The following ITGA9 variants were observed in gnomAD, a reference collection of about 807,000 sequenced individuals.
ITGA9 encodes integrin subunit alpha 9, also known as integrin alpha-9.
ITGA9 carries 56 observed loss-of-function variants against 127.8 expected under a neutral mutation model. That is an observed-to-expected ratio of 0.44 (90% CI 0.35 to 0.55). The LOEUF is 0.55. Among genes scored for constraint, ITGA9 ranks in the 20% least tolerant of loss-of-function variants. ITGA9 has a pLI of 0.00. For synonymous variants in ITGA9, 508 were observed against 514.5 expected, an observed-to-expected ratio of 0.99 and a Z score of 0.17; for missense variants, 1,196 against 1,347.1, an observed-to-expected ratio of 0.89 and a Z score of 1.76.
intron 17 of ITGA9, among the ~76,000 whole-genome samples, chr3:37,656,948 C>T (rs1700484226): frequency 6.6e-6 from 1 of 151,884 alleles, no homozygotes; most frequent in Non-Finnish European, 1.5e-5. Flanking sequence ...TTGAGATAAT[C>T]ATGTGTTTTT....
intron 26 of ITGA9, among the ~76,000 whole-genome samples, chr3:37,796,813 G>A (rs1697179364): frequency 1.3e-5 from 2 of 152,120 alleles, no homozygotes; most frequent in Non-Finnish European, 2.9e-5. Context: ...CAGTGCCTTG[G>A]TTCAGGTGAC....
At chr3:37,527,024 CAG>C (rs1699100284) in intron 13 of ITGA9, among the ~76,000 whole-genome samples, 1 of 152,216 alleles carries the variant, frequency 6.6e-6, no homozygotes, top group African/African-American at 2.4e-5. Flanking sequence ...AATGTGAACT[CAG>C]GGGCCAGGTG....
intron 5 of ITGA9, among the ~76,000 whole-genome samples, chr3:37,501,686 C>T (rs1488195803): frequency 6.6e-6 from 1 of 152,004 alleles, no homozygotes; most frequent in Admixed American, 6.5e-5. Flanking sequence ...ATTTTTTTCT[C>T]ATCAACATTT....
chr3:37,608,172 C>T (rs1699986123), intron 15 of ITGA9, among the ~76,000 whole-genome samples: 1 of 152,164 alleles, frequency 6.6e-6, no homozygotes, highest in African/African-American at 2.4e-5. Context: ...CCAGAATATG[C>T]TTTTAAAGAC....
rs578188048 is a variant in ITGA9 at position 37,470,478 on chromosome 3, C to T, written c.186-529C>T. On this transcript the variant is annotated intron_variant, in intron 1 of 27. Coordinates refer to ENST00000264741, the MANE Select transcript of ITGA9 (RefSeq NM_002207.3). ...AGCACCTTTTCATGCATTTATTGGCCATTTGGCTATCTTCTTTTGTGAAGT... is the reference window on the plus strand; with the variant it reads ...AGCACCTTTTCATGCATTTATTGGCTATTTGGCTATCTTCTTTTGTGAAGT... Among the ~76,000 whole-genome samples the T allele has an allele frequency of 1.2e-4, 18 of 152,264 alleles. No homozygotes were observed. The South Asian group carries it at 3.7e-3, about 32-fold the overall frequency.
chr3:37,452,144 C>T lies in ITGA9; in HGVS notation c.-231C>T, dbSNP rs1031184556. 2 of 150,192 alleles carry T rather than the reference C, an allele frequency of 1.3e-5. No individual in the cohort carries two copies. Among genetic ancestry groups the T allele is most frequent in the African/African-American group, 2.4e-5 (1 of 41,020 alleles). The allele number at this position is 150,192 out of a possible 1,614,324, so 9.3% of individuals were successfully genotyped here. ...CCGGCCCGGGACCCGCTCGCGCAGA[C>T]TTCTCGGGCGGACTGAGGACGCCGC... is the stretch of plus-strand genomic sequence containing the variant. On this transcript the variant is annotated 5_prime_UTR_variant, in exon 1 of 28. Coordinates refer to ENST00000264741, the MANE Select transcript of ITGA9 (RefSeq NM_002207.3). This position sits in a 1 kb window ranked among gnomAD's most constrained non-coding sequence, Gnocchi z 7.3.
Position 37,558,698 on chromosome 3 carries a change from C to T in ITGA9, c.1689+16113C>T, listed in dbSNP as rs116766216. Among the ~76,000 whole-genome samples, 542 of 152,304 alleles carry T rather than the reference C, an allele frequency of 3.6e-3. 6 individuals carry two copies. Among genetic ancestry groups the T allele is most frequent in the Middle Eastern group, 6.8e-3 (2 of 294 alleles). Reference sequence around the variant, plus strand: ...CAGATGGAGACTCGTAAGCCATAACCGCTGCCTCCCAGGAGCTAGTCTGCT... The same window carrying T: ...CAGATGGAGACTCGTAAGCCATAACTGCTGCCTCCCAGGAGCTAGTCTGCT... On this transcript the variant is annotated intron_variant, in intron 15 of 27. Transcript: ENST00000264741.
intron 23 of ITGA9, among the ~76,000 whole-genome samples, chr3:37,758,946 C>G (rs572720143): frequency 3.9e-5 from 6 of 152,076 alleles, no homozygotes; most frequent in Admixed American, 3.3e-4. Flanking sequence ...CTTCCTAGAT[C>G]AAGATGTTTA....
intron 15 of ITGA9, among the ~76,000 whole-genome samples, chr3:37,572,980 T>C (rs529685503): frequency 1.3e-5 from 2 of 152,336 alleles, no homozygotes; most frequent in Admixed American, 1.3e-4. Context: ...ACCTTACATA[T>C]CTGGCCTCAC....
chr3:37,744,198 C>T (rs1429156169), intron 22 of ITGA9, among the ~76,000 whole-genome samples, 164 bp downstream of exon 22: 15 of 152,252 alleles, frequency 9.9e-5, no homozygotes, highest in Middle Eastern at 3.4e-3. Flanking sequence ...GAATCCTTTT[C>T]GATGCCTGGT....
chr3:37,765,607 G>C (rs1165452726), intron 23 of ITGA9, among the ~76,000 whole-genome samples: 1 of 152,186 alleles, frequency 6.6e-6, no homozygotes, highest in East Asian at 1.9e-4. Context: ...ATGGCTGATT[G>C]AATTCTGGAA....
chr3:37,459,909 G>A (rs1698299026), intron 1 of ITGA9, among the ~76,000 whole-genome samples: 1 of 152,150 alleles, frequency 6.6e-6, no homozygotes, highest in African/African-American at 2.4e-5. Flanking sequence ...TACTCTTGGG[G>A]GGATGCTAGG....
At chr3:37,807,382 G>A (rs528969750) in intron 27 of ITGA9, 1 of 152,410 alleles carries the variant, frequency 6.6e-6, no homozygotes, top group East Asian at 1.9e-4. Flanking sequence ...GGCAGGGAAG[G>A]GTAGATGAAG....
chr3:37,520,047 C>G (rs938762707), intron 11 of ITGA9, among the ~76,000 whole-genome samples: 2 of 152,220 alleles, frequency 1.3e-5, no homozygotes, highest in South Asian at 4.1e-4. Context: ...TTCCAATCAA[C>G]AAATATTTAT....
intron 15 of ITGA9, among the ~76,000 whole-genome samples, chr3:37,604,862 A>G (rs1384705641): frequency 1.3e-5 from 2 of 152,162 alleles, no homozygotes; most frequent in African/African-American, 4.8e-5. Context: ...TGAAAGTTCT[A>G]AGGCTCATGG....
intron 17 of ITGA9, among the ~76,000 whole-genome samples, chr3:37,676,514 G>A (rs1700684061): frequency 6.6e-6 from 1 of 152,144 alleles, no homozygotes; most frequent in Non-Finnish European, 1.5e-5. Context: ...CACTTTCCTG[G>A]CCTGCAGAAA....
At position 37,763,300 on chromosome 3, in the gene ITGA9, C is replaced by A. The variant is rs573947618; in HGVS notation, c.2541+12731C>A. 3.3e-5 allele frequency among the ~76,000 whole-genome samples: 5 copies of A among 152,306 alleles called. No individual in the cohort carries two copies. The South Asian group carries it at 6.2e-4, about 19-fold the overall frequency. ...GGACAGTTTCACGGAGACCTTTATT[C>A]AGAAGTTGCAGGGACCAAAGCTATC... On this transcript the variant is annotated intron_variant, in intron 23 of 27. Transcript: ENST00000264741.
intron 17 of ITGA9, among the ~76,000 whole-genome samples, chr3:37,669,847 A>G (rs1292054767): frequency 7.2e-5 from 11 of 152,178 alleles, no homozygotes; most frequent in Non-Finnish European, 1.5e-5. Context: ...TCCAGACCCA[A>G]GGGAATGGAA....
chr3:37,780,116 T>C (rs11716463), intron 25 of ITGA9, 95 bp downstream of exon 25: 78,128 of 1,465,536 alleles, frequency 0.053, 2,948 homozygotes, highest in South Asian at 0.14. Context: ...AGGAAAGCAT[T>C]TGAATTGGTG....
Sources: allele counts gnomAD v4.1 joint callset (sites outside exome capture counted in the v4.1 genomes callset), GRCh38; gene constraint gnomAD v4.1.1; non-coding constraint Gnocchi (gnomAD v3.1); transcripts MANE v1.5; gene names NCBI Gene and HGNC (gene_info 2026-07-23, HGNC 2026-07-21).